The following PCSK5 variants were observed in gnomAD, a reference collection of about 807,000 sequenced individuals.
PCSK5 encodes the protein prohormone convertase 5.
In PCSK5, 129 loss-of-function variants were observed where a neutral mutation model predicts 233.2. The ratio of observed to expected loss-of-function variants is 0.55; its 90% confidence interval spans 0.48 to 0.64. PCSK5 has a LOEUF of 0.64. Ranked by LOEUF, PCSK5 falls within the 30% of genes least tolerant of loss-of-function variation. The pLI is 0.00. For missense variants in PCSK5, 2,076 were observed against 2,430.1 expected (o/e 0.85, Z 3.06); for synonymous variants, 825 against 879.2 (o/e 0.94, Z 1.09).
At chr9:76,308,467 T>A (rs1587853645) in intron 28 of PCSK5, among the ~76,000 whole-genome samples, 178 bp from the exon 29 acceptor site, 1 of 152,054 alleles carries the variant, frequency 6.6e-6, no homozygotes, top group East Asian at 1.9e-4. Context: ...GAAAAAAAAA[T>A]AAATGAAGTC....
chr9:76,354,295 G>A (rs1192316576), intron 37 of PCSK5, 76 bp downstream of exon 37: 2 of 1,200,652 alleles, frequency 1.7e-6, no homozygotes, highest in African/African-American at 1.5e-5. Context: ...GGGAGGGGGG[G>A]ATGGAAAGTT....
At chr9:76,273,969 T>C (rs568778262) in intron 24 of PCSK5, among the ~76,000 whole-genome samples, 41 of 151,920 alleles carry the variant, frequency 2.7e-4, no homozygotes, top group Admixed American at 4.6e-4. Context: ...TTTTGTTTTT[T>C]TTTTTCCAAC....
rs764447531 is a variant in PCSK5 at position 76,338,383 on chromosome 9, T to C, written c.4902T>C (p.His1634=). 1.2e-6 allele frequency: 2 copies of C among 1,612,634 alleles called. No individual in the cohort carries two copies. The highest frequency in any genetic ancestry group is 8.5e-7 in the Non-Finnish European group (1 of 1,179,778). ...KGECHRSCPD[H]YYVEQSTQTC... is the part of the protein sequence containing the mutation. Reference sequence around the variant, plus strand: ...AGTGTCATCGCTCCTGCCCAGACCATTACTATGTAGAGCAAAGCACACAGA... The same window carrying C: ...AGTGTCATCGCTCCTGCCCAGACCACTACTATGTAGAGCAAAGCACACAGA... The change falls in exon 35 of 38, where the codon CAT becomes CAC. Residue 1634 remains histidine, a synonymous_variant. Transcript: ENST00000674117.
chr9:76,308,528 A>G, intron 28 of PCSK5, 117 bp from the exon 29 acceptor site: 2 of 690,854 alleles, frequency 2.9e-6, no homozygotes, highest in Middle Eastern at 2.3e-4. Context: ...TACAATCAAA[A>G]GGATTCCATC....
chr9:76,300,684 C>T (rs1828571878), intron 27 of PCSK5, among the ~76,000 whole-genome samples: 2 of 152,140 alleles, frequency 1.3e-5, no homozygotes, highest in Admixed American at 6.5e-5. Flanking sequence ...CAGATGCAGG[C>T]TTTAGGGCAC....
In PCSK5 at chr9:76,191,668, C is replaced by G. The variant is rs570183280; in HGVS notation, c.2626+1922C>G. Among the ~76,000 whole-genome samples the G allele has an allele frequency of 5.3e-5, 8 of 152,244 alleles. No individual in the cohort carries two copies. In the East Asian group the frequency reaches 1.4e-3, roughly 26 times the overall value. ...GCCCGACACAGTCAGTTCCTGTGTT[C>G]TGAGGTTTTCTCGCCAGGGCTGATT... On this transcript the variant is annotated intron_variant, in intron 20 of 37. Coordinates refer to ENST00000674117, the MANE Select transcript of PCSK5 (RefSeq NM_001372043.1).
chr9:76,190,328 A>G (rs1587737538), intron 20 of PCSK5, among the ~76,000 whole-genome samples: 1 of 81,238 alleles, frequency 1.2e-5, no homozygotes, highest in Non-Finnish European at 2.5e-5. Flanking sequence ...CCCACCCACT[A>G]CTGATTTTTT....
rs751957512 is a variant in PCSK5 at position 75,950,147 on chromosome 9, G to GTC, written c.297+17664_297+17665insTC. On this transcript the variant is annotated intron_variant, in intron 2 of 37. Coordinates refer to ENST00000674117, the MANE Select transcript of PCSK5 (RefSeq NM_001372043.1). ...GGGACACACTTGTGTGTGTGTGTGG[G>GTC]GGGGGCGGGGAGGGGGGAACTGCTA... 2.4e-5 allele frequency among the ~76,000 whole-genome samples: 3 copies of GTC among 126,682 alleles called. No homozygotes were observed. In the East Asian group the frequency reaches 7.5e-4, roughly 32 times the overall value. 83.1% of individuals were successfully genotyped at this position (126,682 alleles called of 152,430 possible).
chr9:76,233,333 C>T (rs1223197212), intron 21 of PCSK5, 127 bp from the exon 22 acceptor site: 3 of 867,360 alleles, frequency 3.5e-6, no homozygotes, highest in Non-Finnish European at 5.4e-6. Flanking sequence ...CACTCCCAGG[C>T]ATCCCCCTTG....
chr9:76,038,329 A>G (rs1828951418), intron 5 of PCSK5, among the ~76,000 whole-genome samples: 1 of 152,160 alleles, frequency 6.6e-6, no homozygotes, highest in South Asian at 2.1e-4. Context: ...AAAGAGGGAC[A>G]CGTTTGTCTC....
At chr9:76,299,650 C>T (rs1368589733) in intron 27 of PCSK5, among the ~76,000 whole-genome samples, 3 of 151,506 alleles carry the variant, frequency 2.0e-5, no homozygotes, top group African/African-American at 7.3e-5. Context: ...CCAGCCTGGG[C>T]AACAGAGAGA....
chr9:76,172,358 A>G (rs1364199156), intron 13 of PCSK5, among the ~76,000 whole-genome samples: 1 of 152,184 alleles, frequency 6.6e-6, no homozygotes, highest in Non-Finnish European at 1.5e-5. Flanking sequence ...TAGCAAACAG[A>G]AAAAGGGGTA....
chr9:76,169,558 C>A, intron 12 of PCSK5, 146 bp from the exon 13 acceptor site: 2 of 524,190 alleles, frequency 3.8e-6, no homozygotes, highest in Admixed American at 6.3e-5. Context: ...TATATATCTG[C>A]AAATTGGTGA....
rs1470838218 is a variant in PCSK5, at chr9:76,351,541, G to T, written c.5067+613G>T. ...GAAAGAAAGAAAGAAAGGAAGGAAA[G>T]AAAGAGAAAGAAGAGAGAGAGAGAA... is the stretch of plus-strand genomic sequence containing the variant. On this transcript the variant is annotated intron_variant, in intron 36 of 37. Coordinates refer to ENST00000674117, the MANE Select transcript of PCSK5 (RefSeq NM_001372043.1). Among the ~76,000 whole-genome samples, 2 of 96,684 alleles carry T rather than the reference G, an allele frequency of 2.1e-5. 1 individual carries two copies. Among genetic ancestry groups the T allele is most frequent in the Non-Finnish European group, 4.6e-5 (2 of 43,718 alleles). 63.4% of individuals were successfully genotyped at this position (96,684 alleles called of 152,430 possible).
intron 2 of PCSK5, among the ~76,000 whole-genome samples, chr9:75,973,963 C>A (rs1825909741): frequency 6.6e-6 from 1 of 152,194 alleles, no homozygotes; most frequent in South Asian, 2.1e-4. Flanking sequence ...CAGGGTGAGC[C>A]ATCCAAAACA....
At chr9:76,242,913 C>T (rs552056007) in intron 24 of PCSK5, among the ~76,000 whole-genome samples, 2 of 152,326 alleles carry the variant, frequency 1.3e-5, no homozygotes, top group East Asian at 1.9e-4. Context: ...GAAGATCTTC[C>T]TTCCATAGCT....
At chr9:76,150,501 C>T (rs182269511) in intron 10 of PCSK5, among the ~76,000 whole-genome samples, 2 of 152,206 alleles carry the variant, frequency 1.3e-5, no homozygotes, top group East Asian at 1.9e-4. Flanking sequence ...GGCGTGGTGG[C>T]ACATGCTTGT....
chr9:76,181,198 T>C (rs1823856597), intron 15 of PCSK5, among the ~76,000 whole-genome samples, 200 bp from the exon 16 acceptor site: 1 of 152,200 alleles, frequency 6.6e-6, no homozygotes, highest in Admixed American at 6.5e-5. Flanking sequence ...GATTTGGTGT[T>C]GGGTAACTGC....
intron 30 of PCSK5, among the ~76,000 whole-genome samples, chr9:76,313,667 T>G (rs1227474968): frequency 2.0e-5 from 3 of 152,206 alleles, no homozygotes; most frequent in African/African-American, 7.2e-5. Flanking sequence ...ACCCTGTCTC[T>G]GAAAACAAAA....
Sources: allele counts gnomAD v4.1 joint callset (sites outside exome capture counted in the v4.1 genomes callset), GRCh38; gene constraint gnomAD v4.1.1; transcripts MANE v1.5; gene names NCBI Gene and HGNC (gene_info 2026-07-23, HGNC 2026-07-21).